The following PTPRN2 variants were observed in gnomAD, a reference collection of about 807,000 sequenced individuals.
PTPRN2 encodes the protein receptor-type tyrosine-protein phosphatase N2.
Under a neutral mutation model 118.8 loss-of-function variants are expected in PTPRN2, and 74 were observed. The observed-to-expected ratio is 0.62, with a 90% CI of 0.52 to 0.76. PTPRN2 has a LOEUF of 0.76. PTPRN2 is among the 30% of genes least tolerant of loss of function. The pLI, the probability that PTPRN2 is intolerant of heterozygous loss-of-function variation, is 0.00. For missense variants in PTPRN2, 1,481 were observed against 1,394.4 expected (o/e 1.06, Z -0.99); for synonymous variants, 641 against 608.0 (o/e 1.05, Z -0.80).
chr7:157,988,738 A>G (rs779494681), intron 11 of PTPRN2, among the ~76,000 whole-genome samples: 44 of 152,126 alleles, frequency 2.9e-4, no homozygotes, highest in Non-Finnish European at 5.0e-4. Context: ...CTAAAAAACC[A>G]CCTACAAGAA....
At chr7:158,123,588 G>A (rs1416506706) in intron 9 of PTPRN2, among the ~76,000 whole-genome samples, 4 of 152,022 alleles carry the variant, frequency 2.6e-5, no homozygotes, top group Admixed American at 6.5e-5. Context: ...CCAGGCCAAC[G>A]ACCCTGGACC....
chr7:158,579,067 C>T (rs1828497592), intron 1 of PTPRN2, among the ~76,000 whole-genome samples: 1 of 152,056 alleles, frequency 6.6e-6, no homozygotes, highest in Non-Finnish European at 1.5e-5. Flanking sequence ...CTGGCCAAGT[C>T]CCACTTCTTT....
intron 2 of PTPRN2, among the ~76,000 whole-genome samples, chr7:158,321,019 C>T (rs1802966823): frequency 6.6e-6 from 1 of 152,054 alleles, no homozygotes; most frequent in Non-Finnish European, 1.5e-5. Flanking sequence ...GGCAGGACCC[C>T]AAAAGGTCTC....
intron 21 of PTPRN2, among the ~76,000 whole-genome samples, chr7:157,556,712 T>G (rs1585026805): frequency 7.1e-6 from 1 of 139,868 alleles, no homozygotes; most frequent in Non-Finnish European, 1.5e-5. Flanking sequence ...CATATACACA[T>G]GTGTGCACAT....
chr7:157,603,994 G>A lies in PTPRN2; in HGVS notation c.2418+8C>T. 3.1e-6 allele frequency: 5 copies of A among 1,613,398 alleles called. No homozygotes were observed. Among genetic ancestry groups the A allele is most frequent in the Non-Finnish European group, 4.2e-6 (5 of 1,179,552 alleles). The stretch of plus-strand genomic sequence containing the variant: ...AGCCTGGGGCCCCTGTCCCGGCAGT[G>A]CACTTACGATGGGGCTAGCGTTGAT... On this transcript the variant is annotated splice_region_variant and intron_variant, in intron 16 of 22. Transcript: ENST00000389418. This position sits in a 1 kb window ranked among gnomAD's most constrained non-coding sequence, Gnocchi z 5.4.
rs1017597530 is a variant in PTPRN2 at position 158,402,794 on chromosome 7, C to T, written c.164-85862G>A. Among the ~76,000 whole-genome samples the T allele has an allele frequency of 3.3e-5, 5 of 152,168 alleles. 1 individual carries two copies. The highest frequency in any genetic ancestry group is 4.8e-5 in the African/African-American group (2 of 41,430). On this transcript the variant is annotated intron_variant, in intron 2 of 22. Transcript: ENST00000389418. ...GGTGTCATGGACAGCTCTGGTCCCACGGTGGAGGGACAGGGTGGTGGGGGC... is the reference window on the plus strand; with the variant it reads ...GGTGTCATGGACAGCTCTGGTCCCATGGTGGAGGGACAGGGTGGTGGGGGC...
intron 11 of PTPRN2, among the ~76,000 whole-genome samples, chr7:158,050,516 C>CTTGGGGAAG (rs1227408361): frequency 5.3e-5 from 8 of 152,232 alleles, no homozygotes; most frequent in African/African-American, 1.9e-4. Context: ...TCCAGACAGT[C>CTTGGGGAAG]CTCTGGTTCT....
intron 3 of PTPRN2, among the ~76,000 whole-genome samples, chr7:158,266,944 T>A (rs1797925014): frequency 6.6e-6 from 1 of 152,118 alleles, no homozygotes. Flanking sequence ...CCCAGCTGCC[T>A]CCACCCCAGC....
chr7:157,778,114 C>T (rs1344770668), intron 12 of PTPRN2, among the ~76,000 whole-genome samples: 1 of 152,212 alleles, frequency 6.6e-6, no homozygotes, highest in Non-Finnish European at 1.5e-5. Flanking sequence ...GACACCAGAG[C>T]TCCAAGAACA....
At chr7:157,713,218 C>CCCT (rs199553927) in intron 12 of PTPRN2, among the ~76,000 whole-genome samples, 1 of 37,890 alleles carries the variant, frequency 2.6e-5, no homozygotes, top group Non-Finnish European at 4.2e-5. Context: ...CTCCATCCAC[C>CCCT]CCTCCTCCTC....
At chr7:157,600,209 C>CTCTCCACCTGCCCACA (rs1801593905) in intron 16 of PTPRN2, among the ~76,000 whole-genome samples, 1 of 137,176 alleles carries the variant, frequency 7.3e-6, no homozygotes, top group South Asian at 2.6e-4. Flanking sequence ...ACCTGCCCAC[C>CTCTCCACCTGCCCACA]TCTCCACCTG....
chr7:157,815,623 C>A (rs1806346356), intron 12 of PTPRN2, among the ~76,000 whole-genome samples: 2 of 152,136 alleles, frequency 1.3e-5, no homozygotes, highest in South Asian at 4.1e-4. Context: ...TTGCTGGCAT[C>A]CTTTTAAAGG....
chr7:157,909,689 C>T (rs993305670), intron 11 of PTPRN2, among the ~76,000 whole-genome samples: 10 of 152,240 alleles, frequency 6.6e-5, no homozygotes, highest in Non-Finnish European at 1.0e-4. Flanking sequence ...CACCCAACAT[C>T]GGGCCCTCAT....
intron 12 of PTPRN2, among the ~76,000 whole-genome samples, chr7:157,855,509 G>A (rs760022157): frequency 3.2e-4 from 48 of 152,220 alleles, no homozygotes; most frequent in Admixed American, 7.2e-4. Flanking sequence ...CTCCTACAGC[G>A]ACCCTGGACA....
chr7:157,574,708 C>T (rs1310752894), intron 19 of PTPRN2, among the ~76,000 whole-genome samples: 4 of 152,186 alleles, frequency 2.6e-5, no homozygotes, highest in Middle Eastern at 3.2e-3. Flanking sequence ...AGATAAGAAA[C>T]GCTGCAGCAT....
chr7:158,337,511 A>C (rs1805891076), intron 2 of PTPRN2, among the ~76,000 whole-genome samples: 10 of 146,850 alleles, frequency 6.8e-5, no homozygotes, highest in African/African-American at 2.7e-4. Flanking sequence ...TCGCACCCAC[A>C]CTCTCACCAT....
chr7:157,993,799 G>C (rs370495946), intron 11 of PTPRN2, among the ~76,000 whole-genome samples: 183 of 152,244 alleles, frequency 1.2e-3, no homozygotes, highest in South Asian at 3.1e-3. Flanking sequence ...GGGGTTGAAG[G>C]CCTCTCTGGA....
chr7:158,441,877 GGTGATA>G (rs1817317738), intron 2 of PTPRN2, among the ~76,000 whole-genome samples: 1 of 143,026 alleles, frequency 7.0e-6, no homozygotes, highest in Non-Finnish European at 1.5e-5. Context: ...TGGCAGTGGT[GGTGATA>G]GTGATAGTGA....
At position 158,134,077 on chromosome 7, in the gene PTPRN2, C is replaced by G. The variant is rs1398286107; in HGVS notation, c.1174-18G>C. 1.2e-6 allele frequency: 2 copies of G among 1,603,526 alleles called. No individual in the cohort carries two copies. Among genetic ancestry groups the G allele is most frequent in the South Asian group, 2.2e-5 (2 of 90,036 alleles). Reference sequence around the variant, plus strand: ...CGATGGACCTGACAGAGAGGACATTCCGTGAGGGACGTCTGCGAAAGGAAT... The same window carrying G: ...CGATGGACCTGACAGAGAGGACATTGCGTGAGGGACGTCTGCGAAAGGAAT... On this transcript the variant is annotated intron_variant, in intron 8 of 22. Coordinates refer to ENST00000389418, the MANE Select transcript of PTPRN2 (RefSeq NM_002847.5).
Sources: allele counts gnomAD v4.1 joint callset (sites outside exome capture counted in the v4.1 genomes callset), GRCh38; gene constraint gnomAD v4.1.1; non-coding constraint Gnocchi (gnomAD v3.1); transcripts MANE v1.5; gene names NCBI Gene and HGNC (gene_info 2026-07-23, HGNC 2026-07-21).